CDKAL1: variants seen among roughly 807,000 people sequenced by gnomAD.
CDKAL1 encodes threonylcarbamoyladenosine tRNA methylthiotransferase.
Under a neutral mutation model 68.2 loss-of-function variants are expected in CDKAL1, and 32 were observed. The ratio of observed to expected loss-of-function variants is 0.47; its 90% confidence interval spans 0.35 to 0.63. The LOEUF is 0.63. CDKAL1 is among the 30% of genes least tolerant of loss of function. The probability of loss-of-function intolerance (pLI) is 0.00; values close to 1 mark genes in which losing one functional copy is unlikely to be tolerated. For missense variants in CDKAL1, 606 were observed against 696.7 expected, an observed-to-expected ratio of 0.87 and a Z score of 1.47; for synonymous variants, 234 against 244.3, an observed-to-expected ratio of 0.96 and a Z score of 0.39.
At chr6:20,569,695 T>G (rs1764618001) in intron 4 of CDKAL1, among the ~76,000 whole-genome samples, 1 of 152,266 alleles carries the variant, frequency 6.6e-6, no homozygotes, top group Non-Finnish European at 1.5e-5. Context: ...GTTCTCTCCC[T>G]ACCCCTGCAG....
At chr6:20,577,141 T>C (rs189650009) in intron 4 of CDKAL1, among the ~76,000 whole-genome samples, 229 of 152,236 alleles carry the variant, frequency 1.5e-3, no homozygotes, top group Non-Finnish European at 2.5e-3. Context: ...AAGCGATCGG[T>C]TGTGAGAGAA....
chr6:21,040,107 AAC>A (rs1769836899), intron 11 of CDKAL1, among the ~76,000 whole-genome samples: 3 of 152,186 alleles, frequency 2.0e-5, no homozygotes, highest in Admixed American at 2.0e-4. Context: ...ATTTTAAATC[AAC>A]ACACGCTTGC....
chr6:20,848,599 A>G (rs1206739927), intron 9 of CDKAL1, among the ~76,000 whole-genome samples: 6 of 152,144 alleles, frequency 3.9e-5, no homozygotes, highest in Non-Finnish European at 5.9e-5. Flanking sequence ...AACGTATTAG[A>G]AGATTACTCT....
chr6:20,581,591 G>A (rs1765146270), intron 4 of CDKAL1, among the ~76,000 whole-genome samples: 1 of 152,112 alleles, frequency 6.6e-6, no homozygotes, highest in Admixed American at 6.5e-5. Context: ...TGAAATGTCA[G>A]TGTTAAAGTG....
intron 15 of CDKAL1, among the ~76,000 whole-genome samples, chr6:21,227,305 TATAAG>T (rs1296930386): frequency 6.6e-6 from 1 of 152,244 alleles, no homozygotes; most frequent in Non-Finnish European, 1.5e-5. Context: ...TCTTGGACTT[TATAAG>T]ATCTCATATT....
rs758797538 is a variant in CDKAL1, at chr6:21,208,201, C to T, written c.1548+6927C>T. On this transcript the variant is annotated intron_variant, in intron 15 of 15. Transcript: ENST00000274695. Reference sequence around the variant, plus strand: ...ATAGCTCAGCCCTGACACAGCCGACCGCGCTTGGAAAGGAAGCAGAAGTTT... The same window carrying T: ...ATAGCTCAGCCCTGACACAGCCGACTGCGCTTGGAAAGGAAGCAGAAGTTT... Among the ~76,000 whole-genome samples, 9 of 152,170 alleles carry T rather than the reference C, an allele frequency of 5.9e-5. No individual in the cohort carries two copies. In the South Asian group the frequency reaches 6.2e-4, roughly 11 times the overall value.
At chr6:20,600,104 A>G (rs531199444) in intron 4 of CDKAL1, among the ~76,000 whole-genome samples, 1 of 152,242 alleles carries the variant, frequency 6.6e-6, no homozygotes, top group African/African-American at 2.4e-5. Flanking sequence ...CTGAAAGAAA[A>G]TATATTAATT....
At chr6:20,927,377 C>A (rs894078688) in intron 9 of CDKAL1, among the ~76,000 whole-genome samples, 1 of 152,172 alleles carries the variant, frequency 6.6e-6, no homozygotes, top group African/African-American at 2.4e-5. Flanking sequence ...TTTCAAAAAG[C>A]AATGGCTGCA....
intron 12 of CDKAL1, among the ~76,000 whole-genome samples, chr6:21,067,358 C>T (rs181842983): frequency 2.0e-5 from 3 of 152,258 alleles, no homozygotes; most frequent in Admixed American, 6.5e-5. Context: ...ATTATGTTGG[C>T]GAACTAATCT....
intron 12 of CDKAL1, among the ~76,000 whole-genome samples, chr6:21,086,784 A>C (rs1772718324): frequency 6.6e-6 from 1 of 152,114 alleles, no homozygotes. Context: ...CTGCTTTTTC[A>C]CTTTGACTTT....
At chr6:20,769,395 A>G (rs1774841620) in intron 7 of CDKAL1, among the ~76,000 whole-genome samples, 1 of 151,402 alleles carries the variant, frequency 6.6e-6, no homozygotes, top group African/African-American at 2.4e-5. Flanking sequence ...AGTAGCTGGG[A>G]TTACAGACAT....
At chr6:20,577,334 G>A (rs1764955480) in intron 4 of CDKAL1, among the ~76,000 whole-genome samples, 1 of 152,200 alleles carries the variant, frequency 6.6e-6, no homozygotes, top group South Asian at 2.1e-4. Context: ...CATGTAGGGG[G>A]CGGGGGTTAG....
chr6:20,739,597 G>A lies in CDKAL1; in HGVS notation c.450G>A (p.Lys150=). The A allele has an allele frequency of 6.2e-7, 1 of 1,609,532 alleles. No individual in the cohort carries two copies. The highest frequency in any genetic ancestry group is 1.7e-4 in the Middle Eastern group (1 of 6,054). Residue 150 remains lysine (K), a synonymous_variant, in exon 6 of 16, where the codon AAG becomes AAA. Coordinates refer to ENST00000274695, the MANE Select transcript of CDKAL1 (RefSeq NM_017774.3). ...PQAQPRQDYL[K]GLSIIGVQQI... ...CCCAGCCTCGCCAGGACTACCTTAA[G>A]GGACTGAGTATCATTGGGGTAAGCT...
intron 13 of CDKAL1, among the ~76,000 whole-genome samples, chr6:21,189,954 A>G (rs1389905998): frequency 6.6e-6 from 1 of 152,180 alleles, no homozygotes; most frequent in Non-Finnish European, 1.5e-5. Flanking sequence ...TTAGCTAGGA[A>G]AGAACAAGAC....
intron 6 of CDKAL1, among the ~76,000 whole-genome samples, chr6:20,757,706 G>A (rs1774283482): frequency 6.6e-6 from 1 of 152,110 alleles, no homozygotes; most frequent in Non-Finnish European, 1.5e-5. Context: ...AATACAGCAT[G>A]AAAGATGTTA....
intron 4 of CDKAL1, among the ~76,000 whole-genome samples, chr6:20,555,445 T>C (rs1280225904): frequency 6.1e-5 from 9 of 148,684 alleles, no homozygotes; most frequent in Middle Eastern, 3.8e-3. Context: ...CTCAGCCTCC[T>C]GAGTAGCTGG....
intron 13 of CDKAL1, among the ~76,000 whole-genome samples, chr6:21,158,810 CTAGAA>C (rs774378197): frequency 6.6e-6 from 1 of 152,184 alleles, no homozygotes; most frequent in Non-Finnish European, 1.5e-5. Flanking sequence ...AAAACTCTGA[CTAGAA>C]TAAACATTCA....
chr6:21,225,385 C>T (rs1779703094), intron 15 of CDKAL1, among the ~76,000 whole-genome samples: 1 of 152,174 alleles, frequency 6.6e-6, no homozygotes, highest in South Asian at 2.1e-4. Flanking sequence ...GACGTAGCTT[C>T]TTCCTCATGG....
chr6:20,661,446 A>G (rs1769280218), intron 5 of CDKAL1, among the ~76,000 whole-genome samples: 1 of 152,220 alleles, frequency 6.6e-6, no homozygotes, highest in South Asian at 2.1e-4. Context: ...ACCATTTCCT[A>G]TTGGAGGCTT....
Sources: allele counts gnomAD v4.1 joint callset (sites outside exome capture counted in the v4.1 genomes callset), GRCh38; gene constraint gnomAD v4.1.1; transcripts MANE v1.5; gene names NCBI Gene and HGNC (gene_info 2026-07-23, HGNC 2026-07-21).